The following TIAM2 variants were observed in gnomAD, a reference collection of about 807,000 sequenced individuals.
TIAM2 encodes the protein rho guanine nucleotide exchange factor TIAM2.
Under a neutral mutation model 152.9 loss-of-function variants are expected in TIAM2, and 80 were observed. That is an observed-to-expected ratio of 0.52 (90% CI 0.44 to 0.63). TIAM2 has a LOEUF of 0.63. Ranked by LOEUF, TIAM2 falls within the 30% of genes least tolerant of loss-of-function variation. TIAM2 has a pLI of 0.00. For missense variants in TIAM2, 1,965 were observed against 2,120.1 expected, an observed-to-expected ratio of 0.93 and a Z score of 1.44; for synonymous variants, 804 against 838.0, an observed-to-expected ratio of 0.96 and a Z score of 0.70.
intron 1 of TIAM2, among the ~76,000 whole-genome samples, chr6:155,029,315 TATACTATATGTACTATGTGTTATATATA>T (rs1776738763): frequency 8.4e-6 from 1 of 119,306 alleles, no homozygotes; most frequent in African/African-American, 3.1e-5. Context: ...ATGTGTTATA[TATACTATATGTACTATGTGTTATATATA>T]ATATATATAC....
intron 5 of TIAM2, among the ~76,000 whole-genome samples, chr6:155,140,524 G>T (rs563096831): frequency 2.0e-5 from 3 of 151,902 alleles, no homozygotes; most frequent in East Asian, 1.9e-4. Context: ...AGTGGTGGGG[G>T]TTAGACTGGG....
chr6:155,137,555 A>G lies in TIAM2; in HGVS notation c.1573A>G (p.Arg525Gly). 6.2e-7 allele frequency: 1 copy of G among 1,612,500 alleles called. No individual in the cohort carries two copies. The highest frequency in any genetic ancestry group is 8.5e-7 in the Non-Finnish European group (1 of 1,179,898). Residue 525 changes from arginine to glycine, a missense_variant, in exon 5 of 27, where the codon AGG becomes GGG. Physicochemically the swap from Arg to Gly is moderately radical, Grantham distance 125. Coordinates refer to ENST00000682666, the MANE Select transcript of TIAM2 (RefSeq NM_012454.4). ...GCCCCTGGTCACTGTGCAGAAGGAAAGGAAGCTTGAGCTGGTGGCACGAAG... is the reference window on the plus strand; with the variant it reads ...GCCCCTGGTCACTGTGCAGAAGGAAGGGAAGCTTGAGCTGGTGGCACGAAG... ...FKPLVTVQKE[R>G]KLELVARRKW...
chr6:155,184,138 A>G (rs1780977832), intron 14 of TIAM2, among the ~76,000 whole-genome samples: 1 of 152,018 alleles, frequency 6.6e-6, no homozygotes, highest in Non-Finnish European at 1.5e-5. Context: ...ACAAACGTGT[A>G]CCACCATGCC....
intron 1 of TIAM2, among the ~76,000 whole-genome samples, chr6:155,030,883 T>C (rs1776809210): frequency 6.6e-6 from 1 of 152,182 alleles, no homozygotes; most frequent in African/African-American, 2.4e-5. Context: ...GGATCTCAAC[T>C]GTCTCTCGTT....
At chr6:155,059,387 G>A (rs1477921741) in intron 1 of TIAM2, among the ~76,000 whole-genome samples, 2 of 151,318 alleles carry the variant, frequency 1.3e-5, no homozygotes, top group African/African-American at 2.4e-5. Flanking sequence ...GCAGTGGCAC[G>A]ATCTCATCTG....
intron 15 of TIAM2, 79 bp downstream of exon 15, chr6:155,211,386 G>C: frequency 8.6e-7 from 1 of 1,160,608 alleles, no homozygotes; most frequent in Non-Finnish European, 1.3e-6. Flanking sequence ...GGTGGGGAAA[G>C]GAGATGGAGT....
At chr6:155,064,574 T>C (rs772822345) in intron 1 of TIAM2, among the ~76,000 whole-genome samples, 1 of 152,180 alleles carries the variant, frequency 6.6e-6, no homozygotes, top group Non-Finnish European at 1.5e-5. Flanking sequence ...TCTGGGATTT[T>C]ATGGCTGTGG....
intron 1 of TIAM2, among the ~76,000 whole-genome samples, chr6:155,019,523 TAGA>T (rs1410622704): frequency 6.6e-6 from 1 of 152,150 alleles, no homozygotes; most frequent in African/African-American, 2.4e-5. Context: ...TAGTTTTGGG[TAGA>T]AGGTTGCAAA....
At chr6:155,206,658 T>G (rs1242317971) in intron 14 of TIAM2, among the ~76,000 whole-genome samples, 3 of 152,076 alleles carry the variant, frequency 2.0e-5, no homozygotes, top group Non-Finnish European at 4.4e-5. Context: ...GTAAATAAAT[T>G]AAATGACACA....
chr6:155,207,517 T>C (rs1490364667), intron 14 of TIAM2, among the ~76,000 whole-genome samples: 1 of 152,240 alleles, frequency 6.6e-6, no homozygotes, highest in Non-Finnish European at 1.5e-5. Context: ...TGAGATTTCC[T>C]GTCTTGGCGG....
Position 155,200,435 on chromosome 6 carries a change from G to T in TIAM2, c.3065-10769G>T, listed in dbSNP as rs140421359. Among the ~76,000 whole-genome samples the T allele has an allele frequency of 3.6e-3, 545 of 152,202 alleles. 3 individuals carry two copies. Among genetic ancestry groups the T allele is most frequent in the African/African-American group, 0.013 (524 of 41,524 alleles). On this transcript the variant is annotated intron_variant, in intron 14 of 26. Transcript: ENST00000682666. ...ATTTCTCTCCTGTAATATCTACCCT[G>T]ACTTCCTTATCTTCTTTTTAAAAAA...
Position 155,182,460 on chromosome 6 carries a change from T to C in TIAM2, c.2800+142T>C, listed in dbSNP as rs1194328280. ...AAAGAAAGTAAACGTAAGAGTTTAA[T>C]TGGAAATGCGACCAAACACAGCGGC... On this transcript the variant is annotated intron_variant, in intron 13 of 26. Transcript: ENST00000682666. 5 of 727,736 alleles carry C rather than the reference T, an allele frequency of 6.9e-6. No individual in the cohort carries two copies. The Admixed American group carries it at 1.1e-4, about 16-fold the overall frequency. The allele number at this position is 727,736 out of a possible 1,614,324, so 45.1% of individuals were successfully genotyped here.
intron 1 of TIAM2, among the ~76,000 whole-genome samples, chr6:155,053,573 A>G (rs1777372178): frequency 3.3e-5 from 5 of 151,086 alleles, no homozygotes; most frequent in Admixed American, 3.3e-4. Context: ...CAGGTTCAAG[A>G]GATTCTCATG....
intron 1 of TIAM2, among the ~76,000 whole-genome samples, chr6:154,999,554 G>A (rs1778278839): frequency 6.6e-6 from 1 of 152,232 alleles, no homozygotes; most frequent in East Asian, 1.9e-4. Context: ...GGAGAAGTTA[G>A]AACTCCTAAC....
intron 21 of TIAM2, chr6:155,250,459 A>G: frequency 8.3e-7 from 1 of 1,203,942 alleles, no homozygotes. Flanking sequence ...TAGTTTAGGG[A>G]GAAAATGGCA....
At position 155,020,353 on chromosome 6, in the gene TIAM2, T is replaced by C. The variant is rs1776450365; in HGVS notation, c.-209+24861T>C. Among the ~76,000 whole-genome samples, 5 of 152,330 alleles carry C rather than the reference T, an allele frequency of 3.3e-5. No homozygotes were observed. The South Asian group carries it at 1.0e-3, about 32-fold the overall frequency. ...TCTGAAAGATTTTTTTCCCCAAAAC[T>C]AGACACGTTGAGGTATAATTTGTAT... On this transcript the variant is annotated intron_variant, in intron 1 of 26. Coordinates refer to ENST00000682666, the MANE Select transcript of TIAM2 (RefSeq NM_012454.4).
chr6:155,171,307 A>G (rs1780581688), intron 9 of TIAM2, among the ~76,000 whole-genome samples: 1 of 152,246 alleles, frequency 6.6e-6, no homozygotes, highest in African/African-American at 2.4e-5. Context: ...AGCTTTTCAT[A>G]ACGAACGTCT....
rs1199945512 is a variant in TIAM2 at position 155,213,466 on chromosome 6, C to G, written c.3168+2159C>G. Among the ~76,000 whole-genome samples the G allele has an allele frequency of 6.6e-6, 1 of 152,148 alleles. No individual in the cohort carries two copies. Among genetic ancestry groups the G allele is most frequent in the African/African-American group, 2.4e-5 (1 of 41,436 alleles). Reference sequence around the variant, plus strand: ...TCTCCTCAGCTGGTTGTCTCATTGTCTCTTTGAGTCTGGCTGAGTCCAGGG... The same window carrying G: ...TCTCCTCAGCTGGTTGTCTCATTGTGTCTTTGAGTCTGGCTGAGTCCAGGG... On this transcript the variant is annotated intron_variant, in intron 15 of 26. Coordinates refer to ENST00000682666, the MANE Select transcript of TIAM2 (RefSeq NM_012454.4). The surrounding 1 kb of genome is among the most constrained non-coding windows in gnomAD (Gnocchi z 4.2).
At chr6:155,020,522 C>T (rs1370758738) in intron 1 of TIAM2, among the ~76,000 whole-genome samples, 2 of 151,904 alleles carry the variant, frequency 1.3e-5, no homozygotes, top group Admixed American at 6.6e-5. Context: ...AGTGCAGTGG[C>T]GCAATCTCAG....
Sources: allele counts gnomAD v4.1 joint callset (sites outside exome capture counted in the v4.1 genomes callset), GRCh38; gene constraint gnomAD v4.1.1; non-coding constraint Gnocchi (gnomAD v3.1); transcripts MANE v1.5; gene names NCBI Gene and HGNC (gene_info 2026-07-23, HGNC 2026-07-21).